The following ATRNL1 variants were observed in gnomAD, a reference collection of about 807,000 sequenced individuals.
ATRNL1 encodes attractin-like protein 1.
ATRNL1 carries 95 observed loss-of-function variants against 182.7 expected under a neutral mutation model. The ratio of observed to expected loss-of-function variants is 0.52; its 90% CI spans 0.44 to 0.62. ATRNL1 has a LOEUF of 0.62. Ranked by LOEUF, ATRNL1 falls within the 20% of genes least tolerant of loss-of-function variation. The probability of loss-of-function intolerance (pLI) is 0.00; values close to 1 mark genes in which losing one functional copy is unlikely to be tolerated. For synonymous variants in ATRNL1, 576 were observed against 568.3 expected, an observed-to-expected ratio of 1.01 and a Z score of -0.19; for missense variants, 1,471 against 1,679.5, an observed-to-expected ratio of 0.88 and a Z score of 2.17.
At chr10:115,862,579 T>C (rs1951340711) in intron 28 of ATRNL1, among the ~76,000 whole-genome samples, 1 of 152,206 alleles carries the variant, frequency 6.6e-6, no homozygotes, top group Non-Finnish European at 1.5e-5. Flanking sequence ...ATTTAAAAAG[T>C]GTGGCAACCT....
intron 14 of ATRNL1, among the ~76,000 whole-genome samples, chr10:115,281,939 G>A (rs987506780): frequency 1.4e-5 from 2 of 146,580 alleles, no homozygotes; most frequent in South Asian, 4.2e-4. Flanking sequence ...TATATATTTT[G>A]CCTCTCTGTA....
At chr10:115,232,756 T>G (rs782714588) in intron 9 of ATRNL1, among the ~76,000 whole-genome samples, 2 of 152,082 alleles carry the variant, frequency 1.3e-5, no homozygotes, top group Non-Finnish European at 2.9e-5. Context: ...AACTATTTAT[T>G]GAAAAGTCCA....
At chr10:115,868,288 A>G (rs1951486144) in intron 28 of ATRNL1, among the ~76,000 whole-genome samples, 1 of 151,998 alleles carries the variant, frequency 6.6e-6, no homozygotes, top group Non-Finnish European at 1.5e-5. Flanking sequence ...TGCCATCTTC[A>G]TTTATTCCCT....
At chr10:115,925,425 T>C (rs113838104) in intron 28 of ATRNL1, among the ~76,000 whole-genome samples, 9,742 of 152,120 alleles carry the variant, frequency 0.064, 888 homozygotes, top group African/African-American at 0.2. Context: ...ACCTTAAATG[T>C]AAATGGGCTA....
At chr10:115,135,611 C>G (rs1048180383) in intron 5 of ATRNL1, among the ~76,000 whole-genome samples, 4 of 152,052 alleles carry the variant, frequency 2.6e-5, no homozygotes, top group Non-Finnish European at 5.9e-5. Flanking sequence ...CCATACTGCC[C>G]AAGGTAATTT....
intron 24 of ATRNL1, among the ~76,000 whole-genome samples, chr10:115,472,835 T>C (rs1554972378): frequency 6.6e-6 from 1 of 151,152 alleles, no homozygotes; most frequent in East Asian, 1.9e-4. Context: ...GCCTTTTACT[T>C]TTCCTTGTCT....
At chr10:115,538,911 T>G (rs888388990) in intron 25 of ATRNL1, among the ~76,000 whole-genome samples, 3 of 152,216 alleles carry the variant, frequency 2.0e-5, no homozygotes, top group African/African-American at 7.2e-5. Flanking sequence ...TTTTCTATGT[T>G]TAGATACACA....
chr10:115,106,659 G>A (rs1354683191), intron 1 of ATRNL1, among the ~76,000 whole-genome samples: 5 of 152,158 alleles, frequency 3.3e-5, no homozygotes, highest in Non-Finnish European at 5.9e-5. Flanking sequence ...AACAATATCT[G>A]CTGGGTTTAT....
chr10:115,520,000 G>A (rs1360427173), intron 25 of ATRNL1, among the ~76,000 whole-genome samples: 3 of 152,140 alleles, frequency 2.0e-5, no homozygotes, highest in Non-Finnish European at 2.9e-5. Flanking sequence ...TTATGAGATC[G>A]TAGATCCTCT....
intron 8 of ATRNL1, among the ~76,000 whole-genome samples, chr10:115,198,282 C>G (rs1188595230): frequency 6.6e-6 from 1 of 152,006 alleles, no homozygotes; most frequent in African/African-American, 2.4e-5. Flanking sequence ...AACATTTTTT[C>G]ATATACCTGT....
At chr10:115,221,374 C>A (rs75686034) in intron 9 of ATRNL1, among the ~76,000 whole-genome samples, 1 of 152,184 alleles carries the variant, frequency 6.6e-6, no homozygotes, top group Admixed American at 6.5e-5. Context: ...GAACTGGTTT[C>A]GGTTTTTAGT....
At chr10:115,393,194 T>C (rs1182888277) in intron 19 of ATRNL1, among the ~76,000 whole-genome samples, 1 of 152,160 alleles carries the variant, frequency 6.6e-6, no homozygotes, top group Non-Finnish European at 1.5e-5. Flanking sequence ...TTGCCCCTTT[T>C]ATTGACTCTA....
At chr10:115,146,863 C>T (rs1425930012) in intron 5 of ATRNL1, among the ~76,000 whole-genome samples, 3 of 148,028 alleles carry the variant, frequency 2.0e-5, no homozygotes, top group African/African-American at 5.0e-5. Context: ...TTTTCATTAT[C>T]CTTTTGTCTG....
chr10:115,720,584 G>A (rs2134042427), intron 26 of ATRNL1, among the ~76,000 whole-genome samples: 1 of 152,210 alleles, frequency 6.6e-6, no homozygotes. Flanking sequence ...CCATGAGACT[G>A]ATTTTACATT....
intron 8 of ATRNL1, among the ~76,000 whole-genome samples, chr10:115,202,140 A>G (rs190694074): frequency 0.025 from 3,763 of 152,184 alleles, 156 homozygotes; most frequent in African/African-American, 0.085. Flanking sequence ...GGCTGAGGCA[A>G]TGGGGTTTTC....
intron 21 of ATRNL1, among the ~76,000 whole-genome samples, chr10:115,450,936 C>A (rs981872953): frequency 6.6e-6 from 1 of 152,030 alleles, no homozygotes; most frequent in Non-Finnish European, 1.5e-5. Flanking sequence ...GCACATAGAC[C>A]AATGGAACAA....
intron 19 of ATRNL1, among the ~76,000 whole-genome samples, chr10:115,393,754 GA>G (rs1481239103): frequency 2.0e-5 from 3 of 152,084 alleles, no homozygotes; most frequent in Admixed American, 2.0e-4. Flanking sequence ...GGAGGGGTCA[GA>G]TACAAGAAAG....
At chr10:115,690,289 T>C (rs1946348703) in intron 26 of ATRNL1, among the ~76,000 whole-genome samples, 1 of 151,550 alleles carries the variant, frequency 6.6e-6, no homozygotes, top group Non-Finnish European at 1.5e-5. Flanking sequence ...TGGGGGTGGG[T>C]ATTGGGGGGA....
At chr10:115,346,732 C>CT (rs35909294) in intron 19 of ATRNL1, among the ~76,000 whole-genome samples, 36,758 of 151,778 alleles carry the variant, frequency 0.24, 5,595 homozygotes, top group Non-Finnish European at 0.35. Context: ...TATAATTGGG[C>CT]TTTTTTTGCT....
Sources: allele counts gnomAD v4.1 joint callset (sites outside exome capture counted in the v4.1 genomes callset), GRCh38; gene constraint gnomAD v4.1.1; transcripts MANE v1.5; gene names NCBI Gene and HGNC (gene_info 2026-07-23, HGNC 2026-07-21).